Variants in UTRN observed in about 807,000 individuals in gnomAD.
The protein encoded by UTRN is dystrophin-related protein 1.
UTRN carries 283 observed loss-of-function variants against 463.9 expected under a neutral mutation model. The observed-to-expected ratio is 0.61, with a 90% CI of 0.55 to 0.67. The LOEUF (loss-of-function observed/expected upper bound fraction) is 0.67, where lower values mean the gene tolerates loss of function less well. Among genes scored for constraint, UTRN ranks in the 30% least tolerant of loss-of-function variants. The pLI, the probability that UTRN is intolerant of heterozygous loss-of-function variation, is 0.00. For synonymous variants in UTRN, 1,442 were observed against 1,431.5 expected (o/e 1.01, Z -0.17); for missense variants, 3,922 against 4,084.3 (o/e 0.96, Z 1.08).
In UTRN at chr6:144,423,546, C is replaced by T. The variant is rs767775920; in HGVS notation, c.235-3C>T. On this transcript the variant is annotated splice_polypyrimidine_tract_variant and splice_region_variant and intron_variant, in intron 4 of 74. Coordinates refer to ENST00000367545, the MANE Select transcript of UTRN (RefSeq NM_007124.3). The stretch of plus-strand genomic sequence containing the variant: ...TTACTTGCTTTTTTGTTTTATTTTC[C>T]AGCCAAAGGAACGTGGTTCCACAAG... The T allele has an allele frequency of 1.2e-6, 2 of 1,614,018 alleles. No homozygotes were observed. The highest frequency in any genetic ancestry group is 2.2e-5 in the East Asian group (1 of 44,874).
At position 144,466,292 on chromosome 6, in the gene UTRN, C is replaced by T. The variant is rs9496980; in HGVS notation, c.3066+3426C>T. On this transcript the variant is annotated intron_variant, in intron 23 of 74. Coordinates refer to ENST00000367545, the MANE Select transcript of UTRN (RefSeq NM_007124.3). ...CCATGTGCTTGCTTTTTTCTGCTAT[C>T]CTTCAATATTTGTAAGAGGCTGTTA... Among the ~76,000 whole-genome samples the T allele has an allele frequency of 5.3e-3, 814 of 152,308 alleles. 7 individuals are homozygous for T. The highest frequency in any genetic ancestry group is 0.019 in the African/African-American group (788 of 41,566).
intron 52 of UTRN, among the ~76,000 whole-genome samples, chr6:144,695,635 G>A (rs1041029804): frequency 4.1e-4 from 63 of 152,166 alleles, no homozygotes; most frequent in African/African-American, 1.5e-3. Flanking sequence ...GAGCCACTGC[G>A]CTCAGCCTAA....
intron 70 of UTRN, 135 bp downstream of exon 70, chr6:144,836,073 C>T: frequency 3.5e-6 from 5 of 1,432,610 alleles, no homozygotes; most frequent in Admixed American, 2.3e-5. Context: ...AGGCTATTAA[C>T]AAACTGGGAT....
At chr6:144,442,104 G>T (rs1290336797) in intron 13 of UTRN, among the ~76,000 whole-genome samples, 1 of 152,214 alleles carries the variant, frequency 6.6e-6, no homozygotes, top group African/African-American at 2.4e-5. Flanking sequence ...TTGTCTTGGT[G>T]ATTAACTTTT....
At chr6:144,524,348 C>A (rs572335651) in intron 41 of UTRN, among the ~76,000 whole-genome samples, 107 of 152,048 alleles carry the variant, frequency 7.0e-4, no homozygotes, top group Non-Finnish European at 2.8e-4. Flanking sequence ...TGTATTATAT[C>A]ATGAAATTGG....
intron 36 of UTRN, among the ~76,000 whole-genome samples, 197 bp downstream of exon 36, chr6:144,514,234 G>A: frequency 6.6e-6 from 1 of 152,188 alleles, no homozygotes; most frequent in East Asian, 1.9e-4. Flanking sequence ...ACTTGTAAGA[G>A]ATTTCAGCAC....
intron 3 of UTRN, among the ~76,000 whole-genome samples, chr6:144,409,043 G>T (rs1783658727): frequency 6.6e-6 from 1 of 152,080 alleles, no homozygotes; most frequent in African/African-American, 2.4e-5. Context: ...ACATTCAAGT[G>T]GTTCCTTAAA....
At chr6:144,777,804 G>A (rs1438311796) in intron 60 of UTRN, among the ~76,000 whole-genome samples, 1 of 152,198 alleles carries the variant, frequency 6.6e-6, no homozygotes, top group Admixed American at 6.5e-5. Context: ...GTTAATTGGG[G>A]ATAAGAAGGG....
chr6:144,571,263 T>A (rs1156841581), intron 50 of UTRN, among the ~76,000 whole-genome samples: 3 of 152,066 alleles, frequency 2.0e-5, no homozygotes, highest in Non-Finnish European at 4.4e-5. Context: ...ATGGGCAGGG[T>A]TTGGGGAAGG....
In UTRN at chr6:144,332,655, A is replaced by G. The variant is rs886573689; in HGVS notation, c.79+40748A>G. Among the ~76,000 whole-genome samples the G allele has an allele frequency of 3.9e-5, 6 of 152,132 alleles. 1 individual carries two copies. Among genetic ancestry groups the G allele is most frequent in the African/African-American group, 9.7e-5 (4 of 41,434 alleles). On this transcript the variant is annotated intron_variant, in intron 2 of 74. Transcript: ENST00000367545. ...AATACTTAAGTTACAAACACAAGAAAAATTCATAGATTAAAAAAATTGAAC... is the reference window on the plus strand; with the variant it reads ...AATACTTAAGTTACAAACACAAGAAGAATTCATAGATTAAAAAAATTGAAC...
At chr6:144,820,737 T>C in intron 65 of UTRN, 145 bp from the exon 66 acceptor site, 2 of 913,944 alleles carry the variant, frequency 2.2e-6, no homozygotes, top group Non-Finnish European at 3.1e-6. Context: ...AGTGTTTTCA[T>C]GAGACTGCTT....
intron 51 of UTRN, among the ~76,000 whole-genome samples, chr6:144,579,967 A>T (rs981843430): frequency 1.3e-5 from 2 of 152,180 alleles, no homozygotes; most frequent in Non-Finnish European, 2.9e-5. Context: ...TTTTTAAAAA[A>T]GTTCCATGGT....
At chr6:144,525,732 T>C (rs1272838058) in intron 41 of UTRN, among the ~76,000 whole-genome samples, 3 of 152,068 alleles carry the variant, frequency 2.0e-5, no homozygotes, top group African/African-American at 7.2e-5. Flanking sequence ...GGCTTGGGTT[T>C]GGTTTGTTCT....
chr6:144,411,345 A>G (rs546821727), intron 3 of UTRN, among the ~76,000 whole-genome samples: 1 of 152,164 alleles, frequency 6.6e-6, no homozygotes, highest in Non-Finnish European at 1.5e-5. Context: ...CTTGTTGCCC[A>G]TTTGTATATC....
chr6:144,513,234 A>T (rs1265450051), intron 35 of UTRN, among the ~76,000 whole-genome samples: 2 of 152,168 alleles, frequency 1.3e-5, no homozygotes, highest in African/African-American at 4.8e-5. Context: ...TCATCATTTT[A>T]AAAAATTATT....
chr6:144,519,148 C>T (rs1339110879), intron 39 of UTRN, among the ~76,000 whole-genome samples: 1 of 152,068 alleles, frequency 6.6e-6, no homozygotes, highest in African/African-American at 2.4e-5. Context: ...TATGTATGAG[C>T]ACTTTATAAA....
intron 65 of UTRN, among the ~76,000 whole-genome samples, chr6:144,820,417 G>A (rs1779497202): frequency 6.6e-6 from 1 of 152,026 alleles, no homozygotes; most frequent in Non-Finnish European, 1.5e-5. Flanking sequence ...TAGAATATAT[G>A]CTGGCTTGTG....
At chr6:144,455,001 T>C (rs902068023) in intron 19 of UTRN, among the ~76,000 whole-genome samples, 1 of 152,140 alleles carries the variant, frequency 6.6e-6, no homozygotes, top group Non-Finnish European at 1.5e-5. Context: ...CCTTAGATTA[T>C]TTTGCCTCCA....
At chr6:144,635,143 T>G (rs1333990851) in intron 51 of UTRN, among the ~76,000 whole-genome samples, 329 of 148,960 alleles carry the variant, frequency 2.2e-3, no homozygotes, top group African/African-American at 8.0e-3. Context: ...TGTGTGTTTT[T>G]TTTTTTTTTT....
Sources: allele counts gnomAD v4.1 joint callset (sites outside exome capture counted in the v4.1 genomes callset), GRCh38; gene constraint gnomAD v4.1.1; transcripts MANE v1.5; gene names NCBI Gene and HGNC (gene_info 2026-07-23, HGNC 2026-07-21).